The following EXOC6 variants were observed in gnomAD, a reference collection of about 807,000 sequenced individuals.
The protein encoded by EXOC6 is SEC15-like 1.
Under a neutral mutation model 112.5 loss-of-function variants are expected in EXOC6, and 60 were observed. The ratio of observed to expected loss-of-function variants is 0.53; its 90% CI spans 0.43 to 0.66. The LOEUF (loss-of-function observed/expected upper bound fraction) is 0.66. Ranked by LOEUF, EXOC6 falls within the 30% of genes least tolerant of loss-of-function variation. The probability of loss-of-function intolerance (pLI) is 0.00; values close to 1 mark genes in which losing one functional copy is unlikely to be tolerated. For synonymous variants in EXOC6, 295 were observed against 308.0 expected (o/e 0.96, Z 0.44); for missense variants, 855 against 957.1 (o/e 0.89, Z 1.41).
At chr10:93,052,893 T>C (rs983314042) in intron 20 of EXOC6, among the ~76,000 whole-genome samples, 1 of 152,218 alleles carries the variant, frequency 6.6e-6, no homozygotes, top group African/African-American at 2.4e-5. Flanking sequence ...TGTTAACCAA[T>C]AAATACACCT....
chr10:92,953,399 A>G (rs1853528013), intron 15 of EXOC6, among the ~76,000 whole-genome samples: 1 of 152,156 alleles, frequency 6.6e-6, no homozygotes, highest in African/African-American at 2.4e-5. Flanking sequence ...TAAAAGTAGT[A>G]TTTTAATAAA....
rs941060504 is a variant in EXOC6, at chr10:93,058,470, G to T, written c.*115G>T. 2.2e-5 allele frequency: 16 copies of T among 734,734 alleles called. No individual in the cohort carries two copies. Among genetic ancestry groups the T allele is most frequent in the African/African-American group, 7.3e-5 (4 of 54,560 alleles). 45.5% of individuals were successfully genotyped at this position (734,734 alleles called of 1,614,324 possible). ...CAGAATCCAAAAATACAATAGAGAA[G>T]ATACATGAGGGCTTAAACAAGAAAT... On this transcript the variant is annotated 3_prime_UTR_variant, in exon 22 of 22. Coordinates refer to ENST00000260762, the MANE Select transcript of EXOC6 (RefSeq NM_019053.6).
At chr10:92,856,561 A>G (rs1847611234) in intron 1 of EXOC6, among the ~76,000 whole-genome samples, 1 of 152,148 alleles carries the variant, frequency 6.6e-6, no homozygotes, top group African/African-American at 2.4e-5. Context: ...AATAATTTGT[A>G]TGACTTCAGT....
At chr10:92,851,799 A>G (rs1197599363) in intron 1 of EXOC6, among the ~76,000 whole-genome samples, 2 of 151,372 alleles carry the variant, frequency 1.3e-5, no homozygotes, top group African/African-American at 2.4e-5. Context: ...GGCTGAGTGC[A>G]GTGGCTCATG....
chr10:92,987,868 A>T, intron 18 of EXOC6, among the ~76,000 whole-genome samples: 1 of 152,046 alleles, frequency 6.6e-6, no homozygotes, highest in South Asian at 2.1e-4. Flanking sequence ...ACTCACCTCA[A>T]ATGCATCTTA....
intron 18 of EXOC6, chr10:92,987,649 A>G (rs1378554361): frequency 1.0e-5 from 10 of 983,118 alleles, no homozygotes; most frequent in African/African-American, 1.7e-5. Context: ...GTCGGTAAGT[A>G]GATATAAACT....
intron 20 of EXOC6, among the ~76,000 whole-genome samples, chr10:93,047,079 G>A (rs1846031113): frequency 6.6e-6 from 1 of 152,194 alleles, no homozygotes; most frequent in Non-Finnish European, 1.5e-5. Flanking sequence ...AGGGAATGGT[G>A]TAATCAAATT....
intron 20 of EXOC6, among the ~76,000 whole-genome samples, chr10:93,034,762 A>G (rs1008608399): frequency 6.6e-6 from 1 of 152,206 alleles, no homozygotes; most frequent in African/African-American, 2.4e-5. Context: ...AATTATTTCC[A>G]CTATAATTAA....
At chr10:93,013,580 C>T (rs1844359039) in intron 19 of EXOC6, among the ~76,000 whole-genome samples, 1 of 152,018 alleles carries the variant, frequency 6.6e-6, no homozygotes, top group Non-Finnish European at 1.5e-5. Context: ...TGCACTCCAG[C>T]CTGGGTGACA....
intron 18 of EXOC6, among the ~76,000 whole-genome samples, chr10:92,978,235 C>T (rs1842705576): frequency 1.3e-5 from 2 of 152,038 alleles, no homozygotes; most frequent in African/African-American, 4.8e-5. Flanking sequence ...CATGGTGAAA[C>T]CCAGTCTCTA....
At chr10:92,827,587 C>T (rs1846408186) in intron 1 of EXOC6, among the ~76,000 whole-genome samples, 1 of 146,898 alleles carries the variant, frequency 6.8e-6, no homozygotes, top group Non-Finnish European at 1.5e-5. Context: ...TCAGCTTACA[C>T]TATCAGATTT....
upstream of EXOC6, chr10:92,831,458 G>C: frequency 7.9e-6 from 5 of 629,998 alleles, no homozygotes; most frequent in Non-Finnish European, 1.2e-5. Flanking sequence ...TTTCGAGTTG[G>C]AGTCTCACTC....
chr10:92,972,091 G>T (rs1842322806), intron 17 of EXOC6, among the ~76,000 whole-genome samples: 1 of 152,172 alleles, frequency 6.6e-6, no homozygotes, highest in South Asian at 2.1e-4. Context: ...TAAAAGCCTG[G>T]AACCTGTAAG....
At chr10:92,995,412 T>A (rs1843443431) in intron 18 of EXOC6, among the ~76,000 whole-genome samples, 1 of 83,490 alleles carries the variant, frequency 1.2e-5, no homozygotes, top group African/African-American at 4.7e-5. Context: ...TGAAATTAAT[T>A]TAATAGTAAT....
intron 1 of EXOC6, among the ~76,000 whole-genome samples, chr10:92,892,899 A>G (rs1849577090): frequency 1.3e-5 from 2 of 152,192 alleles, no homozygotes; most frequent in Non-Finnish European, 2.9e-5. Context: ...CTTCTGTAAA[A>G]CAAGGGTAAT....
chr10:92,884,741 A>G (rs1384309583), intron 1 of EXOC6, among the ~76,000 whole-genome samples: 6 of 152,190 alleles, frequency 3.9e-5, no homozygotes, highest in Non-Finnish European at 8.8e-5. Context: ...TACAATGAAG[A>G]CTGCAGTGAA....
chr10:92,921,121 C>T (rs543627322), intron 8 of EXOC6, among the ~76,000 whole-genome samples: 64 of 152,200 alleles, frequency 4.2e-4, no homozygotes, highest in African/African-American at 1.4e-3. Context: ...TATGTCTGCT[C>T]TGATGTTTGC....
chr10:92,918,183 A>G (rs914221767), intron 7 of EXOC6, among the ~76,000 whole-genome samples: 1 of 152,160 alleles, frequency 6.6e-6, no homozygotes, highest in African/African-American at 2.4e-5. Context: ...AGAATCTTCT[A>G]TTGAACTTAC....
chr10:92,912,318 C>T (rs1373204556), intron 6 of EXOC6, among the ~76,000 whole-genome samples: 2 of 152,054 alleles, frequency 1.3e-5, no homozygotes, highest in African/African-American at 2.4e-5. Context: ...CGCAATGCAA[C>T]GGGGCTCTCT....
Sources: gnomAD v4.1 joint callset for allele counts (sites outside exome capture counted in the v4.1 genomes callset) on GRCh38, gnomAD v4.1.1 for gene constraint, MANE v1.5 for transcripts, NCBI Gene and HGNC (gene_info 2026-07-23, HGNC 2026-07-21) for gene names.